Variants in SPDYE5 observed in about 807,000 individuals in gnomAD.
The protein encoded by SPDYE5 is speedy/RINGO cell cycle regulator family member E5.
SPDYE5 carries 15 observed loss-of-function variants against 48.5 expected under a neutral mutation model. The ratio of observed to expected loss-of-function variants is 0.31; its 90% CI spans 0.21 to 0.48. SPDYE5 has a LOEUF of 0.48. SPDYE5 is among the 20% of genes least tolerant of loss of function. The pLI is 0.99. For missense variants in SPDYE5, 331 were observed against 549.1 expected (o/e 0.60, Z 3.97); for synonymous variants, 116 against 200.7 (o/e 0.58, Z 3.57).
rs1367915672 is a variant in SPDYE5 at position 75,503,993 on chromosome 7, G to A, written c.*1206G>A. 6.6e-6 allele frequency: 1 copy of A among 151,638 alleles called. No homozygotes were observed. Among genetic ancestry groups the A allele is most frequent in the Non-Finnish European group, 1.5e-5 (1 of 67,960 alleles). 9.4% of individuals were successfully genotyped at this position (151,638 alleles called of 1,614,324 possible). A position where few individuals can be genotyped will look rare whatever the true frequency, so the allele number is the denominator to read the frequency against. On this transcript the variant is annotated 3_prime_UTR_variant, in exon 9 of 9. Transcript: ENST00000625065. ...CTAAATCTTTTACCTTTCAATCTTT[G>A]TATCTATTATTACACGTGTTGCTGA...
rs375452984 is a variant in SPDYE5 at position 75,503,460 on chromosome 7, T to A, written c.*673T>A. On this transcript the variant is annotated 3_prime_UTR_variant, in exon 9 of 9. Transcript: ENST00000625065. ...TTTCATTTTTAAGAGACAATTCTTT[T>A]TATCCTAAATATTTTATTATCTTTA... 7.1e-5 allele frequency: 11 copies of A among 153,920 alleles called. No homozygotes were observed. Among genetic ancestry groups the A allele is most frequent in the Admixed American group, 1.9e-4 (3 of 15,466 alleles). 9.5% of individuals were successfully genotyped at this position (153,920 alleles called of 1,614,324 possible). A position where few individuals can be genotyped will look rare whatever the true frequency, so the allele number is the denominator to read the frequency against.
chr7:75,499,537 C>T (rs1410251053), intron 6 of SPDYE5, among the ~76,000 whole-genome samples: 1 of 152,070 alleles, frequency 6.6e-6, no homozygotes, highest in Non-Finnish European at 1.5e-5. Context: ...GAGGCCGAGG[C>T]AGGCGGATCA....
chr7:75,493,664 A>G lies in SPDYE5; in HGVS notation c.-384A>G. On this transcript the variant is annotated 5_prime_UTR_variant, in exon 2 of 9. Coordinates refer to ENST00000625065, the MANE Select transcript of SPDYE5 (RefSeq NM_001306141.4). ...AATGGGCATGTACAGAGACAAAGAG[A>G]CCCCAACATGCTTCAGGCTTTGAGT... 7.4e-7 allele frequency: 1 copy of G among 1,347,804 alleles called. No homozygotes were observed. The highest frequency in any genetic ancestry group is 9.5e-7 in the Non-Finnish European group (1 of 1,057,614). 83.5% of individuals were successfully genotyped at this position (1,347,804 alleles called of 1,614,324 possible).
chr7:75,500,695 G>T (rs587655142), intron 6 of SPDYE5, among the ~76,000 whole-genome samples: 1 of 152,020 alleles, frequency 6.6e-6, no homozygotes, highest in Non-Finnish European at 1.5e-5. Context: ...CACCACACCT[G>T]GACTGTTTGT....
rs1793113184 is a variant in SPDYE5 at position 75,500,701 on chromosome 7, T to C, written c.756-661T>C. Among the ~76,000 whole-genome samples the C allele has an allele frequency of 2.0e-5, 3 of 151,914 alleles. No individual in the cohort carries two copies. In the South Asian group the frequency reaches 6.3e-4, roughly 32 times the overall value. On this transcript the variant is annotated intron_variant, in intron 6 of 8. Transcript: ENST00000625065. ...GGGCTGTGCCACCACACCTGGACTG[T>C]TTGTTTGTTTGTTTGTTTGATTATT...
In SPDYE5 at chr7:75,493,967, T is replaced by C. The variant is rs1405585234; in HGVS notation, c.-81T>C. The C allele has an allele frequency of 2.0e-6, 3 of 1,516,022 alleles. No individual in the cohort carries two copies. The African/African-American group carries it at 4.2e-5, about 21-fold the overall frequency. 93.9% of individuals were successfully genotyped at this position (1,516,022 alleles called of 1,614,324 possible). A position where few individuals can be genotyped will look rare whatever the true frequency, so the allele number is the denominator to read the frequency against. On this transcript the variant is annotated 5_prime_UTR_variant, in exon 2 of 9. Coordinates refer to ENST00000625065, the MANE Select transcript of SPDYE5 (RefSeq NM_001306141.4). ...TTGGACAACAGTATCTTCTCAGAGC[T>C]GTTCTCCACTCCTGACTTCTCCTAG...
At chr7:75,499,730 G>A (rs1462565615) in intron 6 of SPDYE5, among the ~76,000 whole-genome samples, 1 of 121,302 alleles carries the variant, frequency 8.2e-6, no homozygotes, top group African/African-American at 3.2e-5. Context: ...TCGAGCCACC[G>A]CACTCCAGCC....
chr7:75,500,895 A>T (rs1392082959), intron 6 of SPDYE5, among the ~76,000 whole-genome samples: 3 of 151,892 alleles, frequency 2.0e-5, no homozygotes, highest in African/African-American at 7.3e-5. Flanking sequence ...TTTAGTAGAG[A>T]TGGGGTTTCT....
chr7:75,494,148 G>A lies in SPDYE5; in HGVS notation c.101G>A (p.Arg34Gln), dbSNP rs1200073268. 41 of 1,535,158 alleles carry A rather than the reference G, an allele frequency of 2.7e-5. No individual in the cohort carries two copies. Among genetic ancestry groups the A allele is most frequent in the Non-Finnish European group, 3.2e-5 (37 of 1,146,850 alleles). The change falls in exon 2 of 9, where the codon CGG becomes CAG. Residue 34 changes from arginine (R) to glutamine (Q), a missense_variant. Arg to Gln is a conservative substitution (Grantham distance 43, BLOSUM62 1). Coordinates refer to ENST00000625065, the MANE Select transcript of SPDYE5 (RefSeq NM_001306141.4). Reference sequence around the variant, plus strand: ...CCCCAGAATGAGCAGAGTCCCCAGCGGAGCACCTCGGGGTACCCCCTCCAG... The same window carrying A: ...CCCCAGAATGAGCAGAGTCCCCAGCAGAGCACCTCGGGGTACCCCCTCCAG... ...PQPQNEQSPQ[R>Q]STSGYPLQEV...
intron 6 of SPDYE5, among the ~76,000 whole-genome samples, chr7:75,499,766 CAAAAAA>C (rs1207603153): frequency 1.7e-4 from 3 of 17,888 alleles, no homozygotes; most frequent in South Asian, 3.0e-3. Flanking sequence ...GACTTTTTCT[CAAAAAA>C]AAAAAAAAAA....
In SPDYE5 at chr7:75,493,611, T is replaced by C; in HGVS notation, c.-421-16T>C. ...TACCCTAGTTTTCTTTCCCACTCTGTTCCCTCTCCCACCAGACTGGACTCT... is the reference window on the plus strand; with the variant it reads ...TACCCTAGTTTTCTTTCCCACTCTGCTCCCTCTCCCACCAGACTGGACTCT... On this transcript the variant is annotated splice_polypyrimidine_tract_variant and intron_variant, in intron 1 of 8. Transcript: ENST00000625065. The C allele has an allele frequency of 8.0e-7, 1 of 1,257,720 alleles. No individual in the cohort carries two copies. The highest frequency in any genetic ancestry group is 1.0e-6 in the Non-Finnish European group (1 of 1,002,120). 77.9% of individuals were successfully genotyped at this position (1,257,720 alleles called of 1,614,324 possible).
intron 2 of SPDYE5, 124 bp downstream of exon 2, chr7:75,494,331 A>G (rs1792844694): frequency 3.7e-6 from 5 of 1,351,132 alleles, no homozygotes; most frequent in Non-Finnish European, 4.9e-6. Context: ...GGATCACCTG[A>G]GGTCAGGAGT....
rs782342920 is a variant in SPDYE5 at position 75,501,563 on chromosome 7, C to T, written c.957C>T (p.Ser319=). Residue 319 remains serine (S), a synonymous_variant, in exon 7 of 9, where the codon TCC becomes TCT. Transcript: ENST00000625065. ...AGCGTCGGTTCCAGTTAGGCCGTTCCATGAACCCGAGGGCCAGGAAGAACC... is the reference window on the plus strand; with the variant it reads ...AGCGTCGGTTCCAGTTAGGCCGTTCTATGAACCCGAGGGCCAGGAAGAACC... The part of the protein sequence containing the change: ...LRKRRFQLGR[S]MNPRARKNRS... 15 of 1,605,980 alleles carry T rather than the reference C, an allele frequency of 9.3e-6. No homozygotes were observed. In the African/African-American group the frequency reaches 1.9e-4, roughly 20 times the overall value.
upstream of SPDYE5, among the ~76,000 whole-genome samples, chr7:75,492,266 A>C (rs1180920412): frequency 1.3e-5 from 2 of 152,168 alleles, no homozygotes; most frequent in Non-Finnish European, 2.9e-5. Flanking sequence ...CCCAGCTCTG[A>C]CGGTTTAAAG....
chr7:75,496,342 G>A (rs1235097451), intron 3 of SPDYE5, among the ~76,000 whole-genome samples: 13 of 141,276 alleles, frequency 9.2e-5, no homozygotes, highest in Non-Finnish European at 1.8e-4. Context: ...AGCCAAGATC[G>A]CACCACTACA....
intron 3 of SPDYE5, among the ~76,000 whole-genome samples, 159 bp downstream of exon 3, chr7:75,495,533 G>A (rs76925509): frequency 3.0e-5 from 4 of 134,638 alleles, no homozygotes. Flanking sequence ...ACACTTAGGA[G>A]ACGATAGAGG....
intron 2 of SPDYE5, chr7:75,494,905 A>G: frequency 7.0e-7 from 1 of 1,433,176 alleles, no homozygotes. Flanking sequence ...ACAAAACAAA[A>G]AAGGAGGGAC....
At position 75,501,366 on chromosome 7, in the gene SPDYE5, C is replaced by T. The variant is rs1793147505; in HGVS notation, c.760C>T (p.Leu254=). 1.9e-6 allele frequency: 3 copies of T among 1,612,246 alleles called. No homozygotes were observed. The highest frequency in any genetic ancestry group is 2.5e-6 in the Non-Finnish European group (3 of 1,179,932). ...QRIHFFLALY[L]ANDMEEDDED... ...CAACCTGATTTCTGTCCTCAGCTAC[C>T]TGGCCAATGACATGGAGGAGGACGA... Residue 254 remains leucine, a synonymous_variant, in exon 7 of 9, where the codon CTG becomes TTG. Coordinates refer to ENST00000625065, the MANE Select transcript of SPDYE5 (RefSeq NM_001306141.4).
At chr7:75,499,203 CCTCT>C (rs1793053944) in intron 5 of SPDYE5, 24 bp from the exon 6 acceptor site, 1 of 1,005,608 alleles carries the variant, frequency 9.9e-7, no homozygotes, top group Non-Finnish European at 1.6e-6. Context: ...GTGACCTCTC[CCTCT>C]CTGTGTTCCT....
Sources: gnomAD v4.1 joint callset for allele counts (sites outside exome capture counted in the v4.1 genomes callset) on GRCh38, gnomAD v4.1.1 for gene constraint, MANE v1.5 for transcripts, NCBI Gene and HGNC (gene_info 2026-07-23, HGNC 2026-07-21) for gene names.